The following RBFOX1 variants were observed in gnomAD, a reference collection of about 807,000 sequenced individuals.
RBFOX1 encodes the protein RNA binding protein fox-1 homolog 1.
A neutral mutation model predicts 57.7 loss-of-function variants in RBFOX1; 8 were observed. The observed-to-expected ratio is 0.14, with a 90% confidence interval of 0.08 to 0.25. RBFOX1 has a LOEUF of 0.25. Among genes scored for constraint, RBFOX1 ranks in the 10% least tolerant of loss-of-function variants. The pLI, the probability that RBFOX1 is intolerant of heterozygous loss-of-function variation, is 1.00. For synonymous variants in RBFOX1, 326 were observed against 222.4 expected (o/e 1.47, Z -4.15); for missense variants, 611 against 548.5 (o/e 1.11, Z -1.14).
At chr16:6,843,161 C>G (rs911806501) in intron 3 of RBFOX1, among the ~76,000 whole-genome samples, 6 of 152,194 alleles carry the variant, frequency 3.9e-5, no homozygotes, top group Non-Finnish European at 8.8e-5. Context: ...GCATATGATT[C>G]TCTGAGCAAA....
At chr16:6,036,441 C>T (rs1313913173) in intron 1 of RBFOX1, among the ~76,000 whole-genome samples, 4 of 151,854 alleles carry the variant, frequency 2.6e-5, no homozygotes, top group African/African-American at 4.8e-5. Context: ...GGAAAAACTC[C>T]CATGGAATTG....
At chr16:5,950,659 A>G (rs937655019) in intron 4 of RBFOX1, among the ~76,000 whole-genome samples, 4 of 152,164 alleles carry the variant, frequency 2.6e-5, no homozygotes, top group Non-Finnish European at 5.9e-5. Flanking sequence ...TTTTGCACTT[A>G]CCTGGCCAAG....
chr16:5,849,910 C>T (rs533372883), intron 3 of RBFOX1, among the ~76,000 whole-genome samples: 1 of 152,190 alleles, frequency 6.6e-6, no homozygotes, highest in Non-Finnish European at 1.5e-5. Context: ...CCAGCAGCTC[C>T]CTGCTCCTAA....
chr16:5,358,020 A>C (rs952193361), intron 1 of RBFOX1, among the ~76,000 whole-genome samples: 1 of 152,202 alleles, frequency 6.6e-6, no homozygotes, highest in Non-Finnish European at 1.5e-5. Context: ...CTTAAATGAC[A>C]CAACTTTATT....
chr16:6,115,742 C>T (rs1567491832), intron 1 of RBFOX1, among the ~76,000 whole-genome samples: 1 of 152,128 alleles, frequency 6.6e-6, no homozygotes, highest in Non-Finnish European at 1.5e-5. Context: ...TACCAAGCTA[C>T]ACAGTGGGCT....
chr16:6,581,798 T>G (rs1366374777), intron 2 of RBFOX1, among the ~76,000 whole-genome samples: 2 of 152,224 alleles, frequency 1.3e-5, no homozygotes, highest in African/African-American at 4.8e-5. Flanking sequence ...AAATTGGATG[T>G]GTGTCCCAGA....
At chr16:6,165,578 G>C (rs927100104) in intron 1 of RBFOX1, among the ~76,000 whole-genome samples, 1 of 152,192 alleles carries the variant, frequency 6.6e-6, no homozygotes, top group Non-Finnish European at 1.5e-5. Flanking sequence ...GCTAAGACTA[G>C]AGATTTTTCA....
At chr16:7,120,840 C>CACACACACACACACAT (rs1567336963) in intron 4 of RBFOX1, among the ~76,000 whole-genome samples, 1,566 of 145,606 alleles carry the variant, frequency 0.011, 39 homozygotes, top group African/African-American at 0.038. Context: ...TACACACACA[C>CACACACACACACACAT]ACACACACAC....
chr16:5,330,823 G>A (rs1274992499), intron 1 of RBFOX1, among the ~76,000 whole-genome samples: 1 of 151,802 alleles, frequency 6.6e-6, no homozygotes, highest in East Asian at 1.9e-4. Flanking sequence ...AGTCCCCAAA[G>A]CAAACTCTGC....
chr16:7,258,715 A>G (rs1231588810), intron 4 of RBFOX1, among the ~76,000 whole-genome samples: 6 of 152,182 alleles, frequency 3.9e-5, no homozygotes, highest in Non-Finnish European at 8.8e-5. Flanking sequence ...TATTAGAGCC[A>G]TTTAATCTCA....
chr16:5,956,339 A>G (rs888546487), intron 4 of RBFOX1, among the ~76,000 whole-genome samples: 9 of 152,116 alleles, frequency 5.9e-5, no homozygotes, highest in African/African-American at 1.9e-4. Flanking sequence ...TACATAAACA[A>G]TGAATAAATT....
chr16:6,045,189 AC>A (rs1273407604), intron 1 of RBFOX1, among the ~76,000 whole-genome samples: 1 of 152,202 alleles, frequency 6.6e-6, no homozygotes, highest in African/African-American at 2.4e-5. Flanking sequence ...CTAGGGTGGG[AC>A]CTGAGATTCT....
chr16:5,275,431 C>T (rs1301561778), intron 1 of RBFOX1, among the ~76,000 whole-genome samples: 1 of 152,138 alleles, frequency 6.6e-6, no homozygotes, highest in East Asian at 1.9e-4. Context: ...AAATCAAACC[C>T]TTTTATAATA....
intron 3 of RBFOX1, among the ~76,000 whole-genome samples, chr16:5,763,913 C>A (rs2053678696): frequency 6.6e-6 from 1 of 152,146 alleles, no homozygotes; most frequent in African/African-American, 2.4e-5. Context: ...GGTATGTATC[C>A]CGCCCTGGCA....
chr16:7,365,927 C>G (rs911494349), intron 4 of RBFOX1, among the ~76,000 whole-genome samples: 2 of 152,206 alleles, frequency 1.3e-5, no homozygotes, highest in East Asian at 1.9e-4. Context: ...CTTCCACAAA[C>G]TAGCTTCCTG....
At chr16:6,311,019 G>T (rs767389267) in intron 1 of RBFOX1, among the ~76,000 whole-genome samples, 1 of 152,118 alleles carries the variant, frequency 6.6e-6, no homozygotes, top group Admixed American at 6.5e-5. Flanking sequence ...TGGCTTGCCT[G>T]GATGTGGTGG....
At chr16:6,547,607 GA>G (rs2096914281) in intron 2 of RBFOX1, among the ~76,000 whole-genome samples, 1 of 152,136 alleles carries the variant, frequency 6.6e-6, no homozygotes, top group Admixed American at 6.5e-5. Flanking sequence ...TGAGGGAGGG[GA>G]AAAGGAAGAA....
At chr16:7,099,049 T>C (rs984164716) in intron 4 of RBFOX1, among the ~76,000 whole-genome samples, 1 of 152,206 alleles carries the variant, frequency 6.6e-6, no homozygotes, top group African/African-American at 2.4e-5. Context: ...GTTCACAAAC[T>C]ATCCTTGCAT....
intron 3 of RBFOX1, among the ~76,000 whole-genome samples, chr16:5,648,804 C>T (rs1246514439): frequency 6.6e-6 from 1 of 152,202 alleles, no homozygotes; most frequent in Non-Finnish European, 1.5e-5. Context: ...TGGCTCATGC[C>T]TGTAATCCCA....
Sources: allele counts gnomAD v4.1 joint callset (sites outside exome capture counted in the v4.1 genomes callset), GRCh38; gene constraint gnomAD v4.1.1; transcripts MANE v1.5; gene names NCBI Gene and HGNC (gene_info 2026-07-23, HGNC 2026-07-21).